Variants in CREB5 observed in about 807,000 individuals in gnomAD.
The protein encoded by CREB5 is cyclic AMP-responsive element-binding protein 5.
CREB5 carries 19 observed loss-of-function variants against 57.1 expected under a neutral mutation model. The observed-to-expected ratio is 0.33, with a 90% CI of 0.23 to 0.49. The LOEUF is 0.49. Ranked by LOEUF, CREB5 falls within the 20% of genes least tolerant of loss-of-function variation. The pLI is 0.99. For synonymous variants in CREB5, 238 were observed against 238.3 expected (o/e 1.00, Z 0.01); for missense variants, 579 against 671.6 (o/e 0.86, Z 1.52).
chr7:28,565,713 GA>G (rs563949177), intron 4 of CREB5, among the ~76,000 whole-genome samples: 106 of 152,308 alleles, frequency 7.0e-4, no homozygotes, highest in Middle Eastern at 6.8e-3. Context: ...AAAAGGTCAG[GA>G]GTTCAAGACC....
At chr7:28,419,535 C>T (rs528633738) in intron 1 of CREB5, among the ~76,000 whole-genome samples, 30 of 152,322 alleles carry the variant, frequency 2.0e-4, no homozygotes, top group Non-Finnish European at 4.1e-4. Context: ...CTCCAAGCAT[C>T]ATGCTAAATT....
intron 1 of CREB5, among the ~76,000 whole-genome samples, chr7:28,474,837 C>T (rs1327026203): frequency 6.6e-6 from 1 of 152,116 alleles, no homozygotes; most frequent in African/African-American, 2.4e-5. Flanking sequence ...CCTACAGAGG[C>T]ACTTAGTGGA....
intron 7 of CREB5, among the ~76,000 whole-genome samples, chr7:28,791,715 A>T (rs1216930537): frequency 2.6e-5 from 4 of 152,250 alleles, no homozygotes; most frequent in African/African-American, 4.8e-5. Flanking sequence ...AAGAAGACAG[A>T]TCATGAAAAT....
intron 5 of CREB5, among the ~76,000 whole-genome samples, chr7:28,623,517 C>G (rs1221528569): frequency 1.3e-5 from 2 of 152,156 alleles, no homozygotes; most frequent in African/African-American, 4.8e-5. Flanking sequence ...ATAAATGGCT[C>G]TTACTCCTTG....
intron 3 of CREB5, among the ~76,000 whole-genome samples, chr7:28,504,602 C>T (rs1792401874): frequency 6.6e-6 from 1 of 152,144 alleles, no homozygotes; most frequent in Non-Finnish European, 1.5e-5. Context: ...AAACTAAAAA[C>T]AAGTAACTTT....
intron 1 of CREB5, among the ~76,000 whole-genome samples, chr7:28,354,990 G>T (rs879327397): frequency 1.3e-5 from 2 of 152,188 alleles, no homozygotes; most frequent in Non-Finnish European, 2.9e-5. Context: ...AGCCACCCCC[G>T]CATGGCTTGT....
rs34493829 is a variant in CREB5, at chr7:28,480,565, G to T, written c.4-7610G>T. Among the ~76,000 whole-genome samples the T allele has an allele frequency of 3.7e-3, 563 of 152,308 alleles. 2 individuals are homozygous for T. The highest frequency in any genetic ancestry group is 6.2e-3 in the Non-Finnish European group (425 of 68,022). ...TAAAAAGGAAGAGAGTTTGCCACCA[G>T]TCAGCATGTTTTCTGAGGTTATATG... is the stretch of plus-strand genomic sequence containing the variant. On this transcript the variant is annotated intron_variant, in intron 1 of 10. Transcript: ENST00000357727.
intron 4 of CREB5, among the ~76,000 whole-genome samples, chr7:28,512,995 C>T (rs1792778628): frequency 6.6e-6 from 1 of 152,202 alleles, no homozygotes; most frequent in South Asian, 2.1e-4. Flanking sequence ...TGGATCCCAG[C>T]TCAACAGGAG....
At position 28,414,150 on chromosome 7, in the gene CREB5, TCTTCTC is replaced by T. The variant is rs111855414; in HGVS notation, c.3+1251_3+1256del. ...CTTATTATTTTTGTCATCTTTTCTT[TCTTCTC>T]CTTCTCCTTCTCCTTCTTCTTCTTC... On this transcript the variant is annotated intron_variant, in intron 1 of 10. Coordinates refer to ENST00000357727, the MANE Select transcript of CREB5 (RefSeq NM_182898.4). 2.8e-3 allele frequency among the ~76,000 whole-genome samples: 433 copies of T among 152,266 alleles called. 1 individual carries two copies. The highest frequency in any genetic ancestry group is 8.7e-3 in the African/African-American group (361 of 41,566).
chr7:28,725,385 G>A lies in CREB5; in HGVS notation c.702+1053G>A, dbSNP rs553990705. On this transcript the variant is annotated intron_variant, in intron 7 of 10. Transcript: ENST00000357727. The stretch of plus-strand genomic sequence containing the variant: ...CATTTGACTTGCAGCTTCTTGACCC[G>A]AGGAATCAACTGAGCTCCCAGTGCT... Among the ~76,000 whole-genome samples, 7 of 152,268 alleles carry A rather than the reference G, an allele frequency of 4.6e-5. No individual in the cohort carries two copies. The East Asian group carries it at 9.6e-4, about 21-fold the overall frequency.
At chr7:28,691,554 G>A (rs1265093092) in intron 5 of CREB5, among the ~76,000 whole-genome samples, 2 of 151,958 alleles carry the variant, frequency 1.3e-5, no homozygotes, top group Non-Finnish European at 2.9e-5. Context: ...AAAAAAGGAT[G>A]TTTTGTAGAC....
chr7:28,461,804 T>G (rs1300976814), intron 1 of CREB5, among the ~76,000 whole-genome samples: 1 of 152,102 alleles, frequency 6.6e-6, no homozygotes, highest in Non-Finnish European at 1.5e-5. Context: ...GATATGTAAA[T>G]CCATTGTCAT....
intron 5 of CREB5, among the ~76,000 whole-genome samples, chr7:28,653,885 A>ACTACTCCC: frequency 6.6e-6 from 1 of 152,204 alleles, no homozygotes; most frequent in Non-Finnish European, 1.5e-5. Context: ...ATCCCACCAC[A>ACTACTCCC]CTACTCCCTT....
intron 4 of CREB5, among the ~76,000 whole-genome samples, chr7:28,511,620 G>A (rs1046970203): frequency 1.3e-5 from 2 of 152,164 alleles, no homozygotes; most frequent in African/African-American, 4.8e-5. Flanking sequence ...AAGTAGCTGG[G>A]ACTACAGGTA....
chr7:28,434,949 T>C (rs913157437), intron 1 of CREB5, among the ~76,000 whole-genome samples: 39 of 149,266 alleles, frequency 2.6e-4, no homozygotes, highest in Admixed American at 2.2e-3. Context: ...ATGGTGTTGT[T>C]TAATGTTATT....
intron 6 of CREB5, among the ~76,000 whole-genome samples, chr7:28,722,241 T>C (rs1477228582): frequency 6.6e-6 from 1 of 152,218 alleles, no homozygotes; most frequent in Non-Finnish European, 1.5e-5. Context: ...AGCAGGCTAC[T>C]CTTACCTCTT....
At chr7:28,372,640 C>T (rs1379847739) in intron 1 of CREB5, among the ~76,000 whole-genome samples, 1 of 152,194 alleles carries the variant, frequency 6.6e-6, no homozygotes, top group East Asian at 1.9e-4. Context: ...GGTATTAAGG[C>T]ATGACTATAA....
At chr7:28,749,995 G>A (rs1583665683) in intron 7 of CREB5, among the ~76,000 whole-genome samples, 1 of 151,836 alleles carries the variant, frequency 6.6e-6, no homozygotes, top group African/African-American at 2.4e-5. Flanking sequence ...ATATTAGACT[G>A]CAAATATAAC....
intron 5 of CREB5, among the ~76,000 whole-genome samples, chr7:28,599,588 C>T (rs560777714): frequency 1.6e-4 from 24 of 152,256 alleles, no homozygotes; most frequent in South Asian, 2.1e-4. Flanking sequence ...GCATAGCCTC[C>T]GGAAACCATG....
Sources: gnomAD v4.1 joint callset for allele counts (sites outside exome capture counted in the v4.1 genomes callset) on GRCh38, gnomAD v4.1.1 for gene constraint, MANE v1.5 for transcripts, NCBI Gene and HGNC (gene_info 2026-07-23, HGNC 2026-07-21) for gene names.